The following CACNA1A variants were observed in gnomAD, a reference collection of about 807,000 sequenced individuals.
The protein encoded by CACNA1A is calcium voltage-gated channel subunit alpha1 A.
CACNA1A carries 57 observed loss-of-function variants against 262.4 expected under a neutral mutation model. The ratio of observed to expected loss-of-function variants is 0.22; its 90% CI spans 0.18 to 0.27. CACNA1A has a LOEUF of 0.27. Among genes scored for constraint, CACNA1A ranks in the 10% least tolerant of loss-of-function variants. CACNA1A has a pLI of 1.00. For synonymous variants in CACNA1A, 1,431 were observed against 1,419.3 expected, an observed-to-expected ratio of 1.01 and a Z score of -0.18; for missense variants, 2,526 against 3,562.8, an observed-to-expected ratio of 0.71 and a Z score of 7.41.
At chr19:13,270,366 A>T (rs1167606226) in intron 24 of CACNA1A, among the ~76,000 whole-genome samples, 2 of 135,682 alleles carry the variant, frequency 1.5e-5, no homozygotes, top group African/African-American at 5.6e-5. Flanking sequence ...CAGACAAAGC[A>T]AGTTAAAAGA....
chr19:13,337,328 G>A (rs531190486), intron 6 of CACNA1A, among the ~76,000 whole-genome samples: 13 of 152,238 alleles, frequency 8.5e-5, no homozygotes, highest in South Asian at 2.1e-4. Flanking sequence ...AGCTTCTGGC[G>A]GTTTGCTGGC....
At chr19:13,455,979 G>A (rs537232712) in intron 1 of CACNA1A, among the ~76,000 whole-genome samples, 1 of 151,526 alleles carries the variant, frequency 6.6e-6, no homozygotes, top group African/African-American at 2.4e-5. Flanking sequence ...GTGAAACCCT[G>A]TCTCTACTAA....
intron 1 of CACNA1A, among the ~76,000 whole-genome samples, chr19:13,492,356 G>A (rs944751387): frequency 1.3e-5 from 2 of 152,132 alleles, no homozygotes; most frequent in South Asian, 2.1e-4. Flanking sequence ...ACCACAACAG[G>A]ATTTCACTTT....
In CACNA1A at chr19:13,241,575, T is replaced by C. The variant is rs1600152496; in HGVS notation, c.4950+3607A>G. 1 of 626,692 alleles carries C rather than the reference T, an allele frequency of 1.6e-6. No individual in the cohort carries two copies. The highest frequency in any genetic ancestry group is 2.6e-6 in the Non-Finnish European group (1 of 378,080). The allele number at this position is 626,692 out of a possible 1,614,324, so 38.8% of individuals were successfully genotyped here. ...GGGGGAGCGGGCGGGCGGGGGCAGT[T>C]GGGGAGGCGTGTTCAGCATTTTTTA... On this transcript the variant is annotated intron_variant, in intron 31 of 46. Coordinates refer to ENST00000360228, the MANE Select transcript of CACNA1A (RefSeq NM_001127222.2). The surrounding 1 kb of genome is among the most constrained non-coding windows in gnomAD (Gnocchi z 4.0).
chr19:13,314,898 G>A (rs2058095435), intron 11 of CACNA1A, among the ~76,000 whole-genome samples: 1 of 152,178 alleles, frequency 6.6e-6, no homozygotes, highest in Non-Finnish European at 1.5e-5. Context: ...AGCAGAGGAA[G>A]TCTGTTTGTA....
At position 13,207,891 on chromosome 19, in the gene CACNA1A, G is replaced by A; in HGVS notation, c.6943C>T (p.Gln2315Ter). 7.0e-7 allele frequency: 1 copy of A among 1,433,698 alleles called. No homozygotes were observed. The allele number at this position is 1,433,698 out of a possible 1,614,324, so 88.8% of individuals were successfully genotyped here. A position where few individuals can be genotyped will look rare whatever the true frequency, so the allele number is the denominator to read the frequency against. Residue 2315 changes from glutamine (Q) to a stop codon, truncating the protein, a stop_gained, in exon 47 of 47, where the codon CAG (glutamine) becomes TAG (stop). Transcript: ENST00000360228. LOFTEE classifies it low-confidence loss of function (END_TRUNC). The surrounding 1 kb of genome is among the most constrained non-coding windows in gnomAD (Gnocchi z 5.7). ...KAGGSGPPQQ[Q>*]QQQQQQQQQQ... Reference sequence around the variant, plus strand: ...TGCTGCTGCTGCTGCTGCTGCTGCTGCTGCTGCGGGGGCCCCGAGCCGCCG... The same window carrying A: ...TGCTGCTGCTGCTGCTGCTGCTGCTACTGCTGCGGGGGCCCCGAGCCGCCG...
intron 10 of CACNA1A, among the ~76,000 whole-genome samples, chr19:13,318,266 A>C (rs2058167452): frequency 6.6e-6 from 1 of 152,148 alleles, no homozygotes; most frequent in Non-Finnish European, 1.5e-5. Flanking sequence ...AGGTAGAGGA[A>C]ACAGCAAATT....
Position 13,244,948 on chromosome 19 carries a change from C to G in CACNA1A, c.4950+234G>C, listed in dbSNP as rs905157832. The G allele has an allele frequency of 5.3e-6, 3 of 566,380 alleles. No homozygotes were observed. In the African/African-American group the frequency reaches 5.6e-5, roughly 11 times the overall value. 35.1% of individuals were successfully genotyped at this position (566,380 alleles called of 1,614,324 possible). A position where few individuals can be genotyped will look rare whatever the true frequency, so the allele number is the denominator to read the frequency against. On this transcript the variant is annotated intron_variant, in intron 31 of 46. Coordinates refer to ENST00000360228, the MANE Select transcript of CACNA1A (RefSeq NM_001127222.2). ...AGGCCAGGATGCAGGAAAGCCCACC[C>G]CTCAGTGCTGGCCCTACAGCCAAGC...
At chr19:13,265,216 C>G (rs1156854400) in intron 24 of CACNA1A, among the ~76,000 whole-genome samples, 1 of 152,164 alleles carries the variant, frequency 6.6e-6, no homozygotes, top group Non-Finnish European at 1.5e-5. Context: ...CCCTAGCCTG[C>G]GCCTGGCGTG....
intron 3 of CACNA1A, among the ~76,000 whole-genome samples, chr19:13,388,245 C>CTTTTTTT (rs1161893626): frequency 3.5e-5 from 3 of 85,682 alleles, no homozygotes; most frequent in Non-Finnish European, 4.2e-5. Context: ...TCTTCCTCTT[C>CTTTTTTT]TTTTTTTTTT....
chr19:13,496,184 G>C (rs1290687050), intron 1 of CACNA1A, among the ~76,000 whole-genome samples: 1 of 152,142 alleles, frequency 6.6e-6, no homozygotes, highest in Non-Finnish European at 1.5e-5. Context: ...ACTGCGTTGT[G>C]ATCAGAAACA....
chr19:13,424,685 G>C (rs924144497), intron 3 of CACNA1A, among the ~76,000 whole-genome samples: 4 of 152,032 alleles, frequency 2.6e-5, no homozygotes, highest in African/African-American at 9.7e-5. Flanking sequence ...ATGTTTCCCA[G>C]GCTGGTCTCT....
chr19:13,502,183 AGAG>A (rs1982459966), intron 1 of CACNA1A, among the ~76,000 whole-genome samples: 1 of 147,276 alleles, frequency 6.8e-6, no homozygotes, highest in Admixed American at 6.8e-5. Flanking sequence ...AAAAAAAATG[AGAG>A]GAGTGCCAAT....
intron 3 of CACNA1A, among the ~76,000 whole-genome samples, chr19:13,438,293 C>T (rs954239254): frequency 2.0e-5 from 3 of 152,264 alleles, no homozygotes; most frequent in African/African-American, 7.2e-5. Context: ...CAGATGGGCT[C>T]TGTTGCCCCA....
At chr19:13,402,900 A>ATATC (rs2059933662) in intron 3 of CACNA1A, among the ~76,000 whole-genome samples, 1 of 125,346 alleles carries the variant, frequency 8.0e-6, no homozygotes, top group Non-Finnish European at 1.7e-5. Flanking sequence ...ATATATATAT[A>ATATC]TATATATATA....
At position 13,285,036 on chromosome 19, in the gene CACNA1A, C is replaced by T. The variant is rs750911731; in HGVS notation, c.3692+32G>A. ...CCGCCACCCTGGTGGGAGCCCCAGG[C>T]CCCCCCTGCCCTTGCTGGGGGCCAT... On this transcript the variant is annotated intron_variant, in intron 21 of 46. Transcript: ENST00000360228. 19 of 1,603,498 alleles carry T rather than the reference C, an allele frequency of 1.2e-5. No individual in the cohort carries two copies. The South Asian group carries it at 2.1e-4, about 18-fold the overall frequency.
Position 13,207,051 on chromosome 19 carries a change from C to T in CACNA1A, c.*262G>A. 1 of 281,112 alleles carries T rather than the reference C, an allele frequency of 3.6e-6. No individual in the cohort carries two copies. The highest frequency in any genetic ancestry group is 6.7e-6 in the Non-Finnish European group (1 of 150,180). The allele number at this position is 281,112 out of a possible 1,614,324, so 17.4% of individuals were successfully genotyped here. On this transcript the variant is annotated 3_prime_UTR_variant, in exon 47 of 47. Coordinates refer to ENST00000360228, the MANE Select transcript of CACNA1A (RefSeq NM_001127222.2). This position sits in a 1 kb window ranked among gnomAD's most constrained non-coding sequence, Gnocchi z 5.7. ...TGTGTGGTTTGTCTGCTCCCTGCCT[C>T]CCACCCGAGAGCCCCTGTCGTGGGT...
At chr19:13,410,471 C>G (rs943909244) in intron 3 of CACNA1A, among the ~76,000 whole-genome samples, 4 of 151,636 alleles carry the variant, frequency 2.6e-5, no homozygotes, top group African/African-American at 9.7e-5. Context: ...AGGTCTCAGC[C>G]TCCCAAAATG....
At chr19:13,488,058 G>A (rs1264231948) in intron 1 of CACNA1A, among the ~76,000 whole-genome samples, 2 of 152,072 alleles carry the variant, frequency 1.3e-5, no homozygotes, top group Non-Finnish European at 2.9e-5. Flanking sequence ...AGGATTATAG[G>A]TGTGAGCCAC....
Sources: gnomAD v4.1 joint callset for allele counts (sites outside exome capture counted in the v4.1 genomes callset) on GRCh38, gnomAD v4.1.1 for gene constraint, Gnocchi (gnomAD v3.1) non-coding constraint, MANE v1.5 for transcripts, NCBI Gene and HGNC (gene_info 2026-07-23, HGNC 2026-07-21) for gene names.